Variants in GLRX3 observed in about 807,000 individuals in gnomAD.
GLRX3 encodes the protein glutaredoxin-3.
A neutral mutation model predicts 49.5 loss-of-function variants in GLRX3; 22 were observed. The ratio of observed to expected loss-of-function variants is 0.44; its 90% CI spans 0.32 to 0.63. The LOEUF (loss-of-function observed/expected upper bound fraction) is 0.63. GLRX3 is among the 30% of genes least tolerant of loss of function. GLRX3 has a pLI of 0.05. For missense variants in GLRX3, 385 were observed against 396.3 expected, an observed-to-expected ratio of 0.97 and a Z score of 0.24; for synonymous variants, 133 against 140.0, an observed-to-expected ratio of 0.95 and a Z score of 0.35.
At chr10:130,148,433 C>CTTTTTTTTT (rs57482969) in intron 2 of GLRX3, among the ~76,000 whole-genome samples, 3 of 70,578 alleles carry the variant, frequency 4.3e-5, no homozygotes, top group South Asian at 5.9e-4. Flanking sequence ...GCCCTTCAGT[C>CTTTTTTTTT]TTTTTTTTTT....
intron 2 of GLRX3, among the ~76,000 whole-genome samples, chr10:130,156,187 G>C (rs1437226023): frequency 6.6e-6 from 1 of 152,230 alleles, no homozygotes; most frequent in Non-Finnish European, 1.5e-5. Context: ...CAAAGCACCA[G>C]CAGATTCAGT....
chr10:130,155,827 G>C (rs866255756), intron 2 of GLRX3, among the ~76,000 whole-genome samples: 1 of 152,182 alleles, frequency 6.6e-6, no homozygotes, highest in Admixed American at 6.5e-5. Flanking sequence ...GGCACATGCC[G>C]GTGTTCAGGG....
At chr10:130,175,530 A>G (rs1023504968) in intron 10 of GLRX3, among the ~76,000 whole-genome samples, 7 of 152,300 alleles carry the variant, frequency 4.6e-5, no homozygotes, top group African/African-American at 1.7e-4. Flanking sequence ...GAAAAAATGT[A>G]GGTCCTTTTT....
At chr10:130,163,466 T>G (rs1862616379) in intron 4 of GLRX3, among the ~76,000 whole-genome samples, 1 of 152,204 alleles carries the variant, frequency 6.6e-6, no homozygotes, top group African/African-American at 2.4e-5. Context: ...AAACGTAGTA[T>G]TATAGTTATT....
chr10:130,155,125 C>T (rs1239859259), intron 2 of GLRX3, among the ~76,000 whole-genome samples: 1 of 152,082 alleles, frequency 6.6e-6, no homozygotes. Flanking sequence ...GTGTGAGCTA[C>T]TGTGCCAGCA....
chr10:130,163,493 A>G (rs1262708741), intron 4 of GLRX3, among the ~76,000 whole-genome samples: 2 of 152,104 alleles, frequency 1.3e-5, no homozygotes, highest in East Asian at 1.9e-4. Flanking sequence ...ATAAAAGACA[A>G]TAAATATTTT....
chr10:130,141,286 C>A (rs886270070), intron 1 of GLRX3, among the ~76,000 whole-genome samples: 2 of 151,790 alleles, frequency 1.3e-5, no homozygotes, highest in Non-Finnish European at 2.9e-5. Context: ...TAGAGTAAGA[C>A]CCTGTCTCAA....
intron 2 of GLRX3, among the ~76,000 whole-genome samples, chr10:130,152,152 G>GA (rs1862388857): frequency 6.6e-6 from 1 of 152,014 alleles, no homozygotes; most frequent in African/African-American, 2.4e-5. Flanking sequence ...CTGAGTAGCT[G>GA]GGATTACAGG....
chr10:130,153,714 C>A (rs956272914), intron 2 of GLRX3, among the ~76,000 whole-genome samples: 1 of 152,098 alleles, frequency 6.6e-6, no homozygotes, highest in Non-Finnish European at 1.5e-5. Context: ...TGTCTGTCGG[C>A]CCCTACTGGG....
rs1056987169 is a variant in GLRX3 at position 130,160,010 on chromosome 10, G to A, written c.217G>A (p.Val73Ile). Reference protein sequence around the residue: ...VSFVKLEAEGVPEVSEKYEIS... With the variant: ...VSFVKLEAEGIPEVSEKYEIS... ...TATTTTAAAGTTGGAAGCTGAAGGT[G>A]TTCCTGAAGTATCTGAAAAATATGA... Residue 73 changes from valine (V) to isoleucine (I), a missense_variant, in exon 3 of 11, where the codon GTT (valine) becomes ATT (isoleucine). By Grantham distance (29) the Val-to-Ile change is conservative. This residue lies in a region of GLRX3 where 374 missense variants were observed against 358.6 expected (regional missense o/e 1.04). Coordinates refer to ENST00000331244, the MANE Select transcript of GLRX3 (RefSeq NM_006541.5). The A allele has an allele frequency of 3.1e-6, 5 of 1,593,822 alleles. No individual in the cohort carries two copies. The highest frequency in any genetic ancestry group is 3.4e-6 in the Non-Finnish European group (4 of 1,161,704).
At chr10:130,137,679 C>T (rs1382673298) in intron 1 of GLRX3, among the ~76,000 whole-genome samples, 3 of 152,142 alleles carry the variant, frequency 2.0e-5, no homozygotes, top group Admixed American at 1.3e-4. Flanking sequence ...TAGATGTTGG[C>T]ACTTAGTATT....
chr10:130,177,890 T>C (rs1862953822), intron 10 of GLRX3, among the ~76,000 whole-genome samples: 1 of 152,244 alleles, frequency 6.6e-6, no homozygotes, highest in East Asian at 1.9e-4. Context: ...TGAAATGTTA[T>C]ATCATACTAA....
Position 130,169,447 on chromosome 10 carries a change from CAAAT to C in GLRX3, c.732_735del (p.Asn244LysfsTer4), listed in dbSNP as rs1003786965. 6.2e-6 allele frequency: 10 copies of C among 1,610,452 alleles called. No homozygotes were observed. Among genetic ancestry groups the C allele is most frequent in the Middle Eastern group, 1.6e-4 (1 of 6,074 alleles). ...TCTCTCTTTAGGCTCAAAGTGCTGA[CAAAT>C]AAAGCTTCTGTGATGCTCTTTATGA... On this transcript the variant is annotated frameshift_variant, in exon 7 of 11. Coordinates refer to ENST00000331244, the MANE Select transcript of GLRX3 (RefSeq NM_006541.5). LOFTEE classifies it high-confidence loss of function.
intron 2 of GLRX3, among the ~76,000 whole-genome samples, chr10:130,158,905 A>G (rs1384141892): frequency 6.6e-6 from 1 of 152,222 alleles, no homozygotes; most frequent in African/African-American, 2.4e-5. Flanking sequence ...TTAAGGTAGT[A>G]AAAGAGCACC....
At chr10:130,136,549 G>T in intron 1 of GLRX3, 37 bp downstream of exon 1, 2 of 1,249,108 alleles carry the variant, frequency 1.6e-6, no homozygotes, top group South Asian at 3.8e-5. Context: ...TGAGGAGCCG[G>T]AGCGGGAGCG....
chr10:130,169,244 G>A (rs7082126), intron 6 of GLRX3, among the ~76,000 whole-genome samples, 189 bp from the exon 7 acceptor site: 15,195 of 152,206 alleles, frequency 0.1, 778 homozygotes, highest in Middle Eastern at 0.13. Flanking sequence ...AAGCCATATT[G>A]TGTTTTACAG....
rs1360984508 is a variant in GLRX3 at position 130,149,437 on chromosome 10, G to A, written c.201+4118G>A. Among the ~76,000 whole-genome samples the A allele has an allele frequency of 2.6e-4, 37 of 140,720 alleles. 1 individual carries two copies. Among genetic ancestry groups the A allele is most frequent in the Admixed American group, 7.7e-4 (11 of 14,368 alleles). 92.3% of individuals were successfully genotyped at this position (140,720 alleles called of 152,430 possible). ...GGCCTGCGTGACAGAGCAAGACTCC[G>A]TCTCAAAAAAAAAAAACAAAACAGG... is the stretch of plus-strand genomic sequence containing the variant. On this transcript the variant is annotated intron_variant, in intron 2 of 10. Coordinates refer to ENST00000331244, the MANE Select transcript of GLRX3 (RefSeq NM_006541.5).
At chr10:130,163,082 G>C (rs947852265) in intron 4 of GLRX3, among the ~76,000 whole-genome samples, 1 of 151,936 alleles carries the variant, frequency 6.6e-6, no homozygotes, top group Non-Finnish European at 1.5e-5. Flanking sequence ...TATTATAATG[G>C]AGTGAGATTT....
intron 2 of GLRX3, among the ~76,000 whole-genome samples, chr10:130,147,089 G>A (rs907027174): frequency 3.3e-5 from 5 of 152,212 alleles, no homozygotes; most frequent in African/African-American, 1.2e-4. Context: ...TGTGAATATA[G>A]TGATTAGCTT....
Sources: gnomAD v4.1 joint callset for allele counts (sites outside exome capture counted in the v4.1 genomes callset) on GRCh38, gnomAD v4.1.1 for gene constraint, gnomAD v4.1.1 regional missense constraint, MANE v1.5 for transcripts, NCBI Gene and HGNC (gene_info 2026-07-23, HGNC 2026-07-21) for gene names.